Variants in LRP1B observed in about 807,000 individuals in gnomAD.
LRP1B encodes the protein low-density lipoprotein receptor-related protein 1B.
A neutral mutation model predicts 556.6 loss-of-function variants in LRP1B; 217 were observed. That is an observed-to-expected ratio of 0.39 (90% CI 0.35 to 0.44). The LOEUF (loss-of-function observed/expected upper bound fraction) is 0.44. LRP1B is among the 20% of genes least tolerant of loss of function. LRP1B has a pLI of 1.00. For missense variants in LRP1B, 5,053 were observed against 5,620.8 expected, an observed-to-expected ratio of 0.90 and a Z score of 3.23; for synonymous variants, 2,047 against 1,865.8, an observed-to-expected ratio of 1.10 and a Z score of -2.50.
At chr2:141,610,031 C>G (rs1193640380) in intron 2 of LRP1B, among the ~76,000 whole-genome samples, 1 of 152,182 alleles carries the variant, frequency 6.6e-6, no homozygotes, top group Non-Finnish European at 1.5e-5. Flanking sequence ...CGAATTCTAT[C>G]ATGTAGCTGA....
intron 21 of LRP1B, among the ~76,000 whole-genome samples, chr2:140,908,886 G>A (rs1963862): frequency 0.76 from 115,534 of 152,058 alleles, 44,374 homozygotes; most frequent in East Asian, 0.95. Flanking sequence ...TACAACCTCC[G>A]CCTCCCAGGT....
rs1321976263 is a variant in LRP1B, at chr2:141,423,290, C to CCTTTTTTTTT, written c.343+57105_343+57106insAAAAAAAAAG. Among the ~76,000 whole-genome samples the CCTTTTTTTTT allele has an allele frequency of 4.4e-5, 3 of 68,376 alleles. 1 individual carries two copies. Among genetic ancestry groups the CCTTTTTTTTT allele is most frequent in the Non-Finnish European group, 5.9e-5 (2 of 33,618 alleles). The allele number at this position is 68,376 out of a possible 152,430, so 44.9% of individuals were successfully genotyped here. A position where few individuals can be genotyped will look rare whatever the true frequency, so the allele number is the denominator to read the frequency against. ...CCCTCTCACTAGGCAACAGCCAGAG[C>CCTTTTTTTTT]TTTTTTTTTTTTTTTTTTTTTTTTT... On this transcript the variant is annotated intron_variant, in intron 3 of 90. Transcript: ENST00000389484.
At chr2:140,719,075 T>C (rs1340950221) in intron 35 of LRP1B, among the ~76,000 whole-genome samples, 1 of 152,146 alleles carries the variant, frequency 6.6e-6, no homozygotes, top group Non-Finnish European at 1.5e-5. Context: ...CTCTTTTGTC[T>C]CACAGAATGT....
chr2:141,256,909 C>T (rs423807), intron 3 of LRP1B, among the ~76,000 whole-genome samples: 59,845 of 151,422 alleles, frequency 0.4, 11,826 homozygotes, highest in South Asian at 0.5. Flanking sequence ...AAGAAGAATA[C>T]TTGGGTTACA....
chr2:141,468,357 A>T (rs1283851134), intron 3 of LRP1B, among the ~76,000 whole-genome samples: 1 of 152,176 alleles, frequency 6.6e-6, no homozygotes, highest in Admixed American at 6.5e-5. Flanking sequence ...AACCCAGTTG[A>T]AGAGTATAAA....
At chr2:141,278,857 C>G (rs1573746634) in intron 3 of LRP1B, among the ~76,000 whole-genome samples, 1 of 152,134 alleles carries the variant, frequency 6.6e-6, no homozygotes, top group Non-Finnish European at 1.5e-5. Context: ...TTGCCCTTTC[C>G]TATTATCTGT....
At chr2:141,150,633 C>A (rs1321864466) in intron 7 of LRP1B, among the ~76,000 whole-genome samples, 1 of 152,046 alleles carries the variant, frequency 6.6e-6, no homozygotes, top group African/African-American at 2.4e-5. Context: ...CAGCATTTTT[C>A]ATGTGAAAAA....
chr2:140,629,622 A>AGTAATCTATTGATAT lies in LRP1B; in HGVS notation c.6800-27998_6800-27984dup, dbSNP rs549149422. ...TACTATGTAGTTGTCTGAAGAATGA[A>AGTAATCTATTGATAT]GTAATCTATTGATATGTATAAAAAA... On this transcript the variant is annotated intron_variant, in intron 41 of 90. Transcript: ENST00000389484. Among the ~76,000 whole-genome samples the AGTAATCTATTGATAT allele has an allele frequency of 2.1e-3, 325 of 152,340 alleles. 1 individual carries two copies. Among genetic ancestry groups the AGTAATCTATTGATAT allele is most frequent in the Non-Finnish European group, 3.6e-3 (248 of 68,022 alleles).
At chr2:140,395,851 GC>G (rs1355241866) in intron 66 of LRP1B, among the ~76,000 whole-genome samples, 1 of 152,088 alleles carries the variant, frequency 6.6e-6, no homozygotes, top group African/African-American at 2.4e-5. Context: ...ATTCTGTAAT[GC>G]CATCTATCGC....
intron 2 of LRP1B, among the ~76,000 whole-genome samples, chr2:141,803,600 C>A (rs529667802): frequency 1.3e-4 from 20 of 152,180 alleles, no homozygotes; most frequent in African/African-American, 4.3e-4. Flanking sequence ...AAAAGCTTAG[C>A]TTTGTGACTC....
intron 2 of LRP1B, among the ~76,000 whole-genome samples, chr2:141,559,036 G>GA (rs1559140497): frequency 1.3e-5 from 2 of 151,142 alleles, no homozygotes; most frequent in Non-Finnish European, 3.0e-5. Context: ...AGAAACTCAA[G>GA]AAAAAACGAT....
intron 83 of LRP1B, among the ~76,000 whole-genome samples, chr2:140,304,664 A>T (rs1314978796): frequency 1.3e-5 from 2 of 151,972 alleles, no homozygotes; most frequent in Non-Finnish European, 2.9e-5. Context: ...GTTTAGTTAG[A>T]TCCCGTTTGT....
intron 19 of LRP1B, 44 bp downstream of exon 19, chr2:140,951,816 C>G (rs779794411): frequency 2.0e-6 from 3 of 1,477,598 alleles, no homozygotes; most frequent in African/African-American, 2.8e-5. Flanking sequence ...GACCGCCAAG[C>G]CCCCGATCAA....
At chr2:140,365,430 T>G (rs1435462420) in intron 71 of LRP1B, among the ~76,000 whole-genome samples, 1 of 151,736 alleles carries the variant, frequency 6.6e-6, no homozygotes, top group African/African-American at 2.4e-5. Context: ...AATACAAAAA[T>G]ATTCTCATAT....
chr2:140,389,868 C>T (rs1283570203), intron 66 of LRP1B, among the ~76,000 whole-genome samples: 1 of 151,850 alleles, frequency 6.6e-6, no homozygotes, highest in Admixed American at 6.6e-5. Flanking sequence ...TGGTGGCTCA[C>T]ACCAGTAATC....
chr2:141,519,095 TAA>T (rs1684432779), intron 2 of LRP1B, among the ~76,000 whole-genome samples: 1 of 152,026 alleles, frequency 6.6e-6, no homozygotes, highest in African/African-American at 2.4e-5. Flanking sequence ...GTTTACTATT[TAA>T]AAGTGTCTTT....
At chr2:141,862,544 G>A (rs2105789221) in intron 1 of LRP1B, among the ~76,000 whole-genome samples, 1 of 152,258 alleles carries the variant, frequency 6.6e-6, no homozygotes, top group Middle Eastern at 3.4e-3. Context: ...TAGTAGCTGG[G>A]ATTATAGGCA....
At chr2:141,952,792 G>T (rs1388185150) in intron 1 of LRP1B, among the ~76,000 whole-genome samples, 1 of 152,004 alleles carries the variant, frequency 6.6e-6, no homozygotes, top group African/African-American at 2.4e-5. Flanking sequence ...CTTTACGTTG[G>T]GTCAGTATCT....
chr2:141,204,333 T>C (rs1164361998), intron 6 of LRP1B, among the ~76,000 whole-genome samples: 1 of 152,210 alleles, frequency 6.6e-6, no homozygotes, highest in African/African-American at 2.4e-5. Flanking sequence ...TAGAAATTAC[T>C]TCCAGGAATA....
Sources: allele counts gnomAD v4.1 joint callset (sites outside exome capture counted in the v4.1 genomes callset), GRCh38; gene constraint gnomAD v4.1.1; transcripts MANE v1.5; gene names NCBI Gene and HGNC (gene_info 2026-07-23, HGNC 2026-07-21).